The following COL25A1 variants were observed in gnomAD, a reference collection of about 807,000 sequenced individuals.
COL25A1 encodes collagen alpha-1(XXV) chain.
COL25A1 carries 103 observed loss-of-function variants against 128.4 expected under a neutral mutation model. That is an observed-to-expected ratio of 0.80 (90% CI 0.68 to 0.94). The LOEUF (loss-of-function observed/expected upper bound fraction) is 0.94. Among genes scored for constraint, COL25A1 ranks in the 40% least tolerant of loss-of-function variants. The pLI, the probability that COL25A1 is intolerant of heterozygous loss-of-function variation, is 0.00. For synonymous variants in COL25A1, 279 were observed against 277.2 expected (o/e 1.01, Z -0.06); for missense variants, 745 against 840.0 (o/e 0.89, Z 1.40).
At chr4:109,053,697 A>T (rs1422680318) in intron 3 of COL25A1, among the ~76,000 whole-genome samples, 1 of 152,198 alleles carries the variant, frequency 6.6e-6, no homozygotes, top group Non-Finnish European at 1.5e-5. Context: ...CTCCAAGAAG[A>T]GATTTTTTTC....
chr4:108,900,605 A>G (rs1742718962), intron 14 of COL25A1, among the ~76,000 whole-genome samples: 1 of 152,098 alleles, frequency 6.6e-6, no homozygotes, highest in Non-Finnish European at 1.5e-5. Context: ...TCTTCATTAC[A>G]TTTTTTCCCT....
At chr4:109,267,161 A>G (rs975134514) in intron 3 of COL25A1, among the ~76,000 whole-genome samples, 3 of 152,186 alleles carry the variant, frequency 2.0e-5, no homozygotes, top group African/African-American at 7.2e-5. Context: ...CCAGATAGGA[A>G]AAGTCCACTG....
intron 3 of COL25A1, among the ~76,000 whole-genome samples, chr4:109,089,589 C>G (rs1263344473): frequency 6.6e-6 from 1 of 152,112 alleles, no homozygotes; most frequent in East Asian, 1.9e-4. Flanking sequence ...TCTATTATTT[C>G]ACTTGAGTAT....
Position 108,896,678 on chromosome 4 carries a change from T to C in COL25A1, c.895A>G (p.Thr299Ala). The stretch of plus-strand genomic sequence containing the variant: ...TTACAAAACTGTACCTTTTCGCCTG[T>C]GTCACCCTTGGGGCCGTTCTCTCCA... Reference protein sequence around the residue: ...DAGENGPKGDTGEKGDPGSSA... With the variant: ...DAGENGPKGDAGEKGDPGSSA... The change falls in exon 16 of 38, where the codon ACA (threonine) becomes GCA (alanine). Residue 299 changes from threonine (T) to alanine (A), a missense_variant. Thr to Ala is a moderately conservative substitution (Grantham distance 58). This residue lies in a region of COL25A1 where 39 missense variants were observed against 73.3 expected (regional missense o/e 0.53). Coordinates refer to ENST00000399132, the MANE Select transcript of COL25A1 (RefSeq NM_198721.4). The C allele has an allele frequency of 1.2e-6, 2 of 1,614,022 alleles. No individual in the cohort carries two copies. Among genetic ancestry groups the C allele is most frequent in the Non-Finnish European group, 1.7e-6 (2 of 1,179,912 alleles).
intron 19 of COL25A1, among the ~76,000 whole-genome samples, chr4:108,872,885 T>TA (rs1738939373): frequency 6.7e-6 from 1 of 149,048 alleles, no homozygotes; most frequent in Non-Finnish European, 1.5e-5. Context: ...TTTTAACTTC[T>TA]TTTTTTTTTC....
intron 13 of COL25A1, among the ~76,000 whole-genome samples, chr4:108,911,370 G>GC (rs1458978816): frequency 6.6e-6 from 1 of 151,628 alleles, no homozygotes; most frequent in Non-Finnish European, 1.5e-5. Context: ...CTCTTACTCA[G>GC]CCCTTTGTAC....
chr4:109,263,365 T>C (rs1781574500), intron 3 of COL25A1, among the ~76,000 whole-genome samples: 2 of 151,932 alleles, frequency 1.3e-5, no homozygotes, highest in Non-Finnish European at 2.9e-5. Context: ...AAGCTTCAAA[T>C]ACTAGTAAGA....
At chr4:109,114,537 G>T (rs1483120400) in intron 3 of COL25A1, among the ~76,000 whole-genome samples, 1 of 152,050 alleles carries the variant, frequency 6.6e-6, no homozygotes, top group Non-Finnish European at 1.5e-5. Flanking sequence ...GGTGGAATGT[G>T]CCATGTAGGA....
At chr4:109,070,790 G>GT (rs1762890034) in intron 3 of COL25A1, among the ~76,000 whole-genome samples, 1 of 150,124 alleles carries the variant, frequency 6.7e-6, no homozygotes, top group Non-Finnish European at 1.5e-5. Flanking sequence ...GCGGTGTTTG[G>GT]TTTTTTGTCC....
intron 35 of COL25A1, chr4:108,819,729 G>A (rs755774974): frequency 1.6e-6 from 1 of 631,294 alleles, no homozygotes. Context: ...AAACCCTCCT[G>A]TTACGGATCC....
intron 6 of COL25A1, 71 bp downstream of exon 6, chr4:109,010,286 GA>G: frequency 8.7e-7 from 1 of 1,146,220 alleles, no homozygotes; most frequent in Non-Finnish European, 1.2e-6. Flanking sequence ...TCTTTTGAAA[GA>G]ATTGCAGAAA....
intron 3 of COL25A1, among the ~76,000 whole-genome samples, chr4:109,289,136 C>G (rs1018553748): frequency 6.6e-6 from 1 of 151,960 alleles, no homozygotes; most frequent in African/African-American, 2.4e-5. Context: ...GTATCTGATT[C>G]TGATTCTTTG....
intron 3 of COL25A1, among the ~76,000 whole-genome samples, chr4:109,213,062 TACCACAAGGGA>T (rs1214527537): frequency 6.6e-6 from 1 of 152,158 alleles, no homozygotes; most frequent in Non-Finnish European, 1.5e-5. Context: ...ACTTCAAGTG[TACCACAAGGGA>T]TTCATGCATC....
chr4:108,845,383 A>G (rs573111083), intron 28 of COL25A1, 132 bp from the exon 29 acceptor site: 1 of 698,096 alleles, frequency 1.4e-6, no homozygotes, highest in African/African-American at 1.8e-5. Context: ...TAAAAGAAGG[A>G]TTTATCTCCT....
At chr4:108,881,467 G>A (rs1427700372) in intron 19 of COL25A1, among the ~76,000 whole-genome samples, 1 of 152,172 alleles carries the variant, frequency 6.6e-6, no homozygotes, top group Non-Finnish European at 1.5e-5. Context: ...ATAGCAACAG[G>A]AAGCATTTCC....
At chr4:109,142,151 A>T (rs938220690) in intron 3 of COL25A1, among the ~76,000 whole-genome samples, 2 of 152,106 alleles carry the variant, frequency 1.3e-5, no homozygotes, top group African/African-American at 4.8e-5. Context: ...GGTTTCAAAG[A>T]ATTTATTTAT....
At chr4:109,017,186 C>T (rs536910409) in intron 5 of COL25A1, among the ~76,000 whole-genome samples, 7 of 152,224 alleles carry the variant, frequency 4.6e-5, no homozygotes, top group South Asian at 4.1e-4. Flanking sequence ...TGCACAGAGC[C>T]GGCATCTGTG....
At chr4:108,858,257 T>A (rs899666558) in intron 24 of COL25A1, among the ~76,000 whole-genome samples, 1 of 152,006 alleles carries the variant, frequency 6.6e-6, no homozygotes, top group Non-Finnish European at 1.5e-5. Context: ...TAAAAATTAA[T>A]CTTGGAGTGA....
intron 6 of COL25A1, among the ~76,000 whole-genome samples, chr4:109,003,846 C>T (rs1755708453): frequency 6.6e-6 from 1 of 151,904 alleles, no homozygotes; most frequent in Admixed American, 6.6e-5. Flanking sequence ...TGCTCATCTG[C>T]CTTTTCTTTC....
Sources: allele counts gnomAD v4.1 joint callset (sites outside exome capture counted in the v4.1 genomes callset), GRCh38; gene constraint gnomAD v4.1.1; regional missense constraint gnomAD v4.1.1; transcripts MANE v1.5; gene names NCBI Gene and HGNC (gene_info 2026-07-23, HGNC 2026-07-21).